Variants in SERTAD2 observed in about 807,000 individuals in gnomAD.
The protein encoded by SERTAD2 is SERTA domain-containing protein 2.
A neutral mutation model predicts 15.4 loss-of-function variants in SERTAD2; 2 were observed. That is an observed-to-expected ratio of 0.13 (90% CI 0.05 to 0.41). The LOEUF (loss-of-function observed/expected upper bound fraction) is 0.41, where lower values mean the gene tolerates loss of function less well. Among genes scored for constraint, SERTAD2 ranks in the 10% least tolerant of loss-of-function variants. The pLI, the probability that SERTAD2 is intolerant of heterozygous loss-of-function variation, is 0.99. For synonymous variants in SERTAD2, 180 were observed against 178.0 expected (o/e 1.01, Z -0.09); for missense variants, 333 against 409.7 (o/e 0.81, Z 1.62).
intron 1 of SERTAD2, among the ~76,000 whole-genome samples, chr2:64,640,608 T>C (rs1674754175): frequency 6.6e-6 from 1 of 151,666 alleles, no homozygotes; most frequent in Admixed American, 6.6e-5. Context: ...TAAGGACGTG[T>C]AGGTGACTCT....
At chr2:64,637,210 T>C (rs1209754663) in intron 1 of SERTAD2, among the ~76,000 whole-genome samples, 2 of 152,256 alleles carry the variant, frequency 1.3e-5, no homozygotes, top group East Asian at 3.8e-4. Context: ...TGTGTTCGCA[T>C]GCCTAAGATT....
chr2:64,631,754 T>C lies in SERTAD2; in HGVS notation c.*4173A>G, dbSNP rs1406790952. On this transcript the variant is annotated 3_prime_UTR_variant, in exon 2 of 2. Transcript: ENST00000313349. ...GTGAATACAGCCATCTGGGTTCCGA[T>C]GTAACGTCTGTAATATTGCATAGAA... 1 of 152,810 alleles carries C rather than the reference T, an allele frequency of 6.5e-6. No homozygotes were observed. Among genetic ancestry groups the C allele is most frequent in the African/African-American group, 2.4e-5 (1 of 41,590 alleles). The allele number at this position is 152,810 out of a possible 1,614,324, so 9.5% of individuals were successfully genotyped here.
intron 1 of SERTAD2, among the ~76,000 whole-genome samples, chr2:64,647,345 T>C (rs937769077): frequency 2.6e-5 from 4 of 152,208 alleles, no homozygotes; most frequent in Admixed American, 6.5e-5. Context: ...AGAGTATGTT[T>C]TTAGCATTTT....
chr2:64,639,014 T>C (rs886287261), intron 1 of SERTAD2, among the ~76,000 whole-genome samples: 83 of 152,262 alleles, frequency 5.5e-4, no homozygotes, highest in African/African-American at 1.8e-3. Flanking sequence ...AGGTATGCTA[T>C]TGGTATTTGC....
In SERTAD2 at chr2:64,633,645, C is replaced by A. The variant is rs1674585013; in HGVS notation, c.*2282G>T. ...ACTTGTTCTCTGCAAGAAAGGGAAG[C>A]TCTTAAAATTAACAGGCATACTGAC... is the stretch of plus-strand genomic sequence containing the variant. On this transcript the variant is annotated 3_prime_UTR_variant, in exon 2 of 2. Transcript: ENST00000313349. The A allele has an allele frequency of 6.6e-6, 1 of 152,214 alleles. No homozygotes were observed. Among genetic ancestry groups the A allele is most frequent in the African/African-American group, 2.4e-5 (1 of 41,444 alleles). The allele number at this position is 152,214 out of a possible 1,614,324, so 9.4% of individuals were successfully genotyped here.
At chr2:64,645,197 G>C (rs138293047) in intron 1 of SERTAD2, among the ~76,000 whole-genome samples, 1 of 152,154 alleles carries the variant, frequency 6.6e-6, no homozygotes, top group Non-Finnish European at 1.5e-5. Context: ...GTGCTCCAGC[G>C]ATATTCTGAA....
intron 1 of SERTAD2, among the ~76,000 whole-genome samples, chr2:64,651,610 C>A (rs1675010871): frequency 6.6e-6 from 1 of 152,126 alleles, no homozygotes; most frequent in Non-Finnish European, 1.5e-5. Flanking sequence ...AGCAACTGGG[C>A]AAAATTCATA....
At chr2:64,647,951 GAA>G (rs970629439) in intron 1 of SERTAD2, among the ~76,000 whole-genome samples, 63 of 152,240 alleles carry the variant, frequency 4.1e-4, no homozygotes, top group Middle Eastern at 3.4e-3. Context: ...TACTATCAAA[GAA>G]TCACTTAAAA....
intron 1 of SERTAD2, among the ~76,000 whole-genome samples, chr2:64,649,104 A>T (rs1674959380): frequency 6.6e-6 from 1 of 152,262 alleles, no homozygotes; most frequent in African/African-American, 2.4e-5. Flanking sequence ...GATCAGTTTA[A>T]AGCAGCTGCC....
chr2:64,647,467 T>C (rs1041232781), intron 1 of SERTAD2, among the ~76,000 whole-genome samples: 5 of 152,104 alleles, frequency 3.3e-5, no homozygotes, highest in Non-Finnish European at 7.4e-5. Context: ...CAACCTCCCA[T>C]TCTCGGGCAT....
rs1438149006 is a variant in SERTAD2, at chr2:64,632,426, G to C, written c.*3501C>G. 6.6e-6 allele frequency: 1 copy of C among 152,492 alleles called. No homozygotes were observed. Among genetic ancestry groups the C allele is most frequent in the Non-Finnish European group, 1.5e-5 (1 of 68,014 alleles). The allele number at this position is 152,492 out of a possible 1,614,324, so 9.4% of individuals were successfully genotyped here. The stretch of plus-strand genomic sequence containing the variant: ...TCCTTGATTGACCTCAGGGCAGCTG[G>C]GGCACTCCAAGGGGCTATGGCGATA... On this transcript the variant is annotated 3_prime_UTR_variant, in exon 2 of 2. Transcript: ENST00000313349.
chr2:64,653,433 G>C (rs1325054600), intron 1 of SERTAD2, among the ~76,000 whole-genome samples, 187 bp downstream of exon 1: 7 of 149,030 alleles, frequency 4.7e-5, no homozygotes, highest in African/African-American at 1.2e-4. Context: ...GGCCCGGACC[G>C]GGGCCGCGGG....
At chr2:64,638,275 C>CT (rs1029973848) in intron 1 of SERTAD2, among the ~76,000 whole-genome samples, 2 of 151,896 alleles carry the variant, frequency 1.3e-5, no homozygotes, top group African/African-American at 4.8e-5. Context: ...TCATTCAATC[C>CT]TTTAATAACT....
intron 1 of SERTAD2, among the ~76,000 whole-genome samples, chr2:64,642,501 T>A (rs910164963): frequency 2.0e-5 from 3 of 150,746 alleles, no homozygotes; most frequent in African/African-American, 7.5e-5. Context: ...TACATCTTTT[T>A]AAAAATCTTT....
intron 1 of SERTAD2, among the ~76,000 whole-genome samples, chr2:64,647,712 T>C (rs924886449): frequency 6.6e-6 from 1 of 152,168 alleles, no homozygotes; most frequent in Admixed American, 6.5e-5. Flanking sequence ...TATGTAAGTC[T>C]TACTAAAACA....
At chr2:64,653,405 G>C (rs1438677504) in intron 1 of SERTAD2, among the ~76,000 whole-genome samples, 1 of 143,770 alleles carries the variant, frequency 7.0e-6, no homozygotes, top group Non-Finnish European at 1.5e-5. Context: ...CGCAGGCGCC[G>C]GGGGTCCGAG....
rs1674539131 is a variant in SERTAD2, at chr2:64,631,764, G to A, written c.*4163C>T. On this transcript the variant is annotated 3_prime_UTR_variant, in exon 2 of 2. Coordinates refer to ENST00000313349, the MANE Select transcript of SERTAD2 (RefSeq NM_014755.3). ...CCATCTGGGTTCCGATGTAACGTCT[G>A]TAATATTGCATAGAAAAGGCACAGC... 6.6e-6 allele frequency: 1 copy of A among 152,666 alleles called. No individual in the cohort carries two copies. The highest frequency in any genetic ancestry group is 1.5e-5 in the Non-Finnish European group (1 of 68,058). 9.5% of individuals were successfully genotyped at this position (152,666 alleles called of 1,614,324 possible). A position where few individuals can be genotyped will look rare whatever the true frequency, so the allele number is the denominator to read the frequency against.
chr2:64,643,592 G>A (rs1156755591), intron 1 of SERTAD2, among the ~76,000 whole-genome samples: 2 of 152,238 alleles, frequency 1.3e-5, no homozygotes, highest in African/African-American at 4.8e-5. Flanking sequence ...GCCTTCGCAG[G>A]GCAAGGTGGC....
chr2:64,646,745 T>C (rs1395493931), intron 1 of SERTAD2: 1 of 152,216 alleles, frequency 6.6e-6, no homozygotes, highest in Non-Finnish European at 1.5e-5. Context: ...TCTCTGTATA[T>C]AAAAGTTAAT....
Sources: allele counts gnomAD v4.1 joint callset (sites outside exome capture counted in the v4.1 genomes callset), GRCh38; gene constraint gnomAD v4.1.1; transcripts MANE v1.5; gene names NCBI Gene and HGNC (gene_info 2026-07-23, HGNC 2026-07-21).